The following FRY variants were observed in gnomAD, a reference collection of about 807,000 sequenced individuals.
The protein encoded by FRY is FRY microtubule binding protein, also known as protein furry homolog.
FRY carries 128 observed loss-of-function variants against 348.4 expected under a neutral mutation model. That is an observed-to-expected ratio of 0.37 (90% CI 0.32 to 0.43). FRY has a LOEUF of 0.43. Among genes scored for constraint, FRY ranks in the 20% least tolerant of loss-of-function variants. The pLI is 1.00. For synonymous variants in FRY, 1,370 were observed against 1,374.7 expected (o/e 1.00, Z 0.08); for missense variants, 2,736 against 3,695.2 (o/e 0.74, Z 6.73).
intron 17 of FRY, among the ~76,000 whole-genome samples, chr13:32,163,888 C>T (rs798973): frequency 1.3e-5 from 2 of 151,484 alleles, no homozygotes; most frequent in Non-Finnish European, 1.5e-5. Flanking sequence ...TTTGTTTTTT[C>T]TTTTTTCTTT....
At chr13:32,089,380 G>T (rs1014684856) in intron 2 of FRY, among the ~76,000 whole-genome samples, 2 of 152,154 alleles carry the variant, frequency 1.3e-5, no homozygotes, top group African/African-American at 4.8e-5. Context: ...GTTGAAGGCA[G>T]GGGGGTTGGA....
chr13:32,194,214 C>G lies in FRY; in HGVS notation c.3663C>G (p.Asn1221Lys). Residue 1221 changes from asparagine to lysine, a missense_variant, in exon 29 of 61, where the codon AAC (asparagine) becomes AAG (lysine). Physicochemically the swap from Asn to Lys is moderately conservative, Grantham distance 94 (BLOSUM62 0). Transcript: ENST00000542859. ...ATCCTGACCAAATAAATCTTTTTAA[C>G]TGGGCAATTGACCGATGCTACACAG... Reference protein sequence around the residue: ...ELNPDQINLFNWAIDRCYTGS... With the variant: ...ELNPDQINLFKWAIDRCYTGS... 6.2e-7 allele frequency: 1 copy of G among 1,613,934 alleles called. No individual in the cohort carries two copies. Among genetic ancestry groups the G allele is most frequent in the Non-Finnish European group, 8.5e-7 (1 of 1,179,818 alleles).
At chr13:32,175,503 G>C (rs759010996) in intron 19 of FRY, 43 bp from the exon 20 acceptor site, 2 of 1,190,430 alleles carry the variant, frequency 1.7e-6, no homozygotes, top group South Asian at 2.4e-5. Context: ...GGGTGGGGAG[G>C]ATTCATTTTC....
intron 11 of FRY, among the ~76,000 whole-genome samples, chr13:32,143,894 T>C (rs1001768102): frequency 6.6e-6 from 1 of 152,164 alleles, no homozygotes; most frequent in Non-Finnish European, 1.5e-5. Context: ...AGGATTATCA[T>C]CTGCATTTCA....
intron 1 of FRY, among the ~76,000 whole-genome samples, chr13:32,043,712 G>A (rs763011316): frequency 2.6e-5 from 4 of 152,062 alleles, no homozygotes; most frequent in Admixed American, 6.6e-5. Flanking sequence ...AAAAAGCAGC[G>A]GCAAAGTCTT....
chr13:32,057,705 A>G (rs907754888), intron 1 of FRY, among the ~76,000 whole-genome samples: 2 of 152,176 alleles, frequency 1.3e-5, no homozygotes, highest in African/African-American at 4.8e-5. Flanking sequence ...CACACCTGTA[A>G]TGCTAGCACT....
intron 35 of FRY, among the ~76,000 whole-genome samples, chr13:32,215,613 A>G (rs1490268338): frequency 5.9e-5 from 9 of 152,220 alleles, no homozygotes; most frequent in Admixed American, 5.9e-4. Context: ...TCATTCTGTC[A>G]CCTAGGCTGA....
At chr13:32,119,431 T>C (rs776916152) in intron 4 of FRY, among the ~76,000 whole-genome samples, 16 of 152,346 alleles carry the variant, frequency 1.1e-4, no homozygotes, top group Non-Finnish European at 1.6e-4. Context: ...GTTGAATTCA[T>C]TATTAGAAAT....
intron 35 of FRY, among the ~76,000 whole-genome samples, chr13:32,216,618 C>G (rs1394080061): frequency 6.6e-6 from 1 of 152,200 alleles, no homozygotes; most frequent in Non-Finnish European, 1.5e-5. Context: ...TTTTCATCAC[C>G]CTGCTTTTGT....
At chr13:32,233,650 T>G (rs185309986) in intron 41 of FRY, among the ~76,000 whole-genome samples, 295 of 152,336 alleles carry the variant, frequency 1.9e-3, no homozygotes, top group African/African-American at 6.8e-3. Flanking sequence ...AGCTTTCCTC[T>G]CTTCTGAAAT....
chr13:32,094,111 A>C (rs923977499), intron 2 of FRY, among the ~76,000 whole-genome samples: 1 of 152,192 alleles, frequency 6.6e-6, no homozygotes, highest in Non-Finnish European at 1.5e-5. Flanking sequence ...TTTAAAAACC[A>C]GGATATCTGA....
intron 3 of FRY, 37 bp from the exon 4 acceptor site, chr13:32,117,297 C>T (rs1462477138): frequency 1.9e-6 from 3 of 1,607,120 alleles, no homozygotes; most frequent in Non-Finnish European, 1.7e-6. Flanking sequence ...ATTGGCAGTG[C>T]TACCAGTGTT....
chr13:32,045,952 C>T (rs1357562987), intron 1 of FRY, among the ~76,000 whole-genome samples: 1 of 152,128 alleles, frequency 6.6e-6, no homozygotes, highest in East Asian at 1.9e-4. Flanking sequence ...ATTAAATGAG[C>T]TCAGGCAGAG....
At chr13:32,210,733 T>C in intron 33 of FRY, 133 bp from the exon 34 acceptor site, 1 of 747,194 alleles carries the variant, frequency 1.3e-6, no homozygotes, top group East Asian at 2.7e-5. Flanking sequence ...CATCCTAGGA[T>C]AGCACAAAGA....
rs950223475 is a variant in FRY, at chr13:32,224,857, G to C, written c.4917-76G>C. On this transcript the variant is annotated intron_variant, in intron 37 of 60. Transcript: ENST00000542859. ...TTTAAAAACACTTAAGAGTTATATT[G>C]TACTGTAACTTAATGATCTACTAGT... is the stretch of plus-strand genomic sequence containing the variant. 7 of 883,926 alleles carry C rather than the reference G, an allele frequency of 7.9e-6. No homozygotes were observed. The African/African-American group carries it at 9.8e-5, about 12-fold the overall frequency. 54.8% of individuals were successfully genotyped at this position (883,926 alleles called of 1,614,324 possible). A position where few individuals can be genotyped will look rare whatever the true frequency, so the allele number is the denominator to read the frequency against.
chr13:32,192,063 G>T (rs1348305216), intron 28 of FRY, among the ~76,000 whole-genome samples: 4 of 152,118 alleles, frequency 2.6e-5, no homozygotes, highest in African/African-American at 9.7e-5. Flanking sequence ...AGACAGGCTG[G>T]TGTTTAAGAG....
intron 59 of FRY, among the ~76,000 whole-genome samples, chr13:32,290,544 G>A (rs1889286725): frequency 6.6e-6 from 1 of 152,010 alleles, no homozygotes; most frequent in Non-Finnish European, 1.5e-5. Context: ...AATAGAAGGT[G>A]CACCAAAAAA....
At chr13:32,110,482 A>G (rs1156745176) in intron 3 of FRY, among the ~76,000 whole-genome samples, 1 of 152,142 alleles carries the variant, frequency 6.6e-6, no homozygotes, top group African/African-American at 2.4e-5. Flanking sequence ...CATTTTTAAA[A>G]GTGAAAAAGC....
At chr13:32,091,521 T>C (rs1265876685) in intron 2 of FRY, among the ~76,000 whole-genome samples, 1 of 152,210 alleles carries the variant, frequency 6.6e-6, no homozygotes, top group African/African-American at 2.4e-5. Flanking sequence ...GGGACCCCGT[T>C]ATTCTTTGGT....
Sources: gnomAD v4.1 joint callset for allele counts (sites outside exome capture counted in the v4.1 genomes callset) on GRCh38, gnomAD v4.1.1 for gene constraint, MANE v1.5 for transcripts, NCBI Gene and HGNC (gene_info 2026-07-23, HGNC 2026-07-21) for gene names.